Variants in UNC5A observed in about 807,000 individuals in gnomAD.
UNC5A encodes the protein netrin receptor UNC5A.
In UNC5A, 20 loss-of-function variants were observed where a neutral mutation model predicts 87.4. That is an observed-to-expected ratio of 0.23 (90% CI 0.16 to 0.33). The LOEUF (loss-of-function observed/expected upper bound fraction) is 0.33, where lower values mean the gene tolerates loss of function less well. Ranked by LOEUF, UNC5A falls within the 10% of genes least tolerant of loss-of-function variation. The pLI, the probability that UNC5A is intolerant of heterozygous loss-of-function variation, is 1.00. For missense variants in UNC5A, 844 were observed against 1,133.4 expected, an observed-to-expected ratio of 0.74 and a Z score of 3.67; for synonymous variants, 438 against 482.3, an observed-to-expected ratio of 0.91 and a Z score of 1.20.
intron 1 of UNC5A, among the ~76,000 whole-genome samples, chr5:176,814,618 G>A (rs1756545228): frequency 6.6e-6 from 1 of 152,186 alleles, no homozygotes; most frequent in Non-Finnish European, 1.5e-5. Flanking sequence ...ATACTGATGT[G>A]CTTTGGGTGG....
At chr5:176,811,761 G>T (rs1319095859) in intron 1 of UNC5A, among the ~76,000 whole-genome samples, 1 of 152,098 alleles carries the variant, frequency 6.6e-6, no homozygotes, top group African/African-American at 2.4e-5. Flanking sequence ...GGTGCCATTT[G>T]TGTGGTCAAG....
intron 14 of UNC5A, 109 bp from the exon 15 acceptor site, chr5:176,879,612 G>C: frequency 6.4e-7 from 1 of 1,550,472 alleles, no homozygotes; most frequent in South Asian, 1.2e-5. Flanking sequence ...GGCCGGGGCA[G>C]TCATTGTGTT....
At chr5:176,872,514 C>T (rs1383939500) in intron 6 of UNC5A, among the ~76,000 whole-genome samples, 1 of 45,448 alleles carries the variant, frequency 2.2e-5, no homozygotes, top group Admixed American at 1.9e-4. Flanking sequence ...TGCCCACACT[C>T]GCCCCAACAC....
intron 1 of UNC5A, among the ~76,000 whole-genome samples, chr5:176,856,728 G>A (rs1011807037): frequency 7.9e-5 from 12 of 152,038 alleles, no homozygotes; most frequent in Admixed American, 3.9e-4. Context: ...ACCACTGGAT[G>A]CCCACAGCAG....
At chr5:176,825,136 A>T (rs1189704088) in intron 1 of UNC5A, among the ~76,000 whole-genome samples, 5 of 152,204 alleles carry the variant, frequency 3.3e-5, no homozygotes, top group Non-Finnish European at 5.9e-5. Context: ...GCACTTTCAG[A>T]TGCAATAAGG....
chr5:176,879,505 CA>C lies in UNC5A; in HGVS notation c.2363+18del. ...CCTGGACAGGTGGGCGGGAGAGGGG[CA>C]GAGAGGGCCTGCGCAGGCCACCGAC... is the stretch of plus-strand genomic sequence containing the variant. On this transcript the variant is annotated intron_variant, in intron 14 of 14. Transcript: ENST00000329542. 6.3e-7 allele frequency: 1 copy of C among 1,595,122 alleles called. No homozygotes were observed. Among genetic ancestry groups the C allele is most frequent in the Non-Finnish European group, 8.5e-7 (1 of 1,171,502 alleles).
chr5:176,843,109 C>T (rs1417183657), intron 1 of UNC5A, among the ~76,000 whole-genome samples: 1 of 149,014 alleles, frequency 6.7e-6, no homozygotes, highest in African/African-American at 2.5e-5. Context: ...TGCAGTGAGC[C>T]GAGATCGCGT....
rs1441891092 is a variant in UNC5A, at chr5:176,869,685, C to T, written c.722-685C>T. The T allele has an allele frequency of 4.3e-6, 3 of 695,160 alleles. No individual in the cohort carries two copies. Among genetic ancestry groups the T allele is most frequent in the Non-Finnish European group, 7.9e-6 (3 of 380,568 alleles). 43.1% of individuals were successfully genotyped at this position (695,160 alleles called of 1,614,324 possible). On this transcript the variant is annotated intron_variant, in intron 5 of 14. Transcript: ENST00000329542. This position sits in a 1 kb window ranked among gnomAD's most constrained non-coding sequence, Gnocchi z 9.1. ...CAGCTGTGGGCGCGGCTGGCAGAAA[C>T]GGAGCCGGAGCTGCACCAACCCGGC...
chr5:176,836,643 G>A (rs527597616), intron 1 of UNC5A, among the ~76,000 whole-genome samples: 8 of 152,036 alleles, frequency 5.3e-5, no homozygotes, highest in Non-Finnish European at 1.2e-4. Flanking sequence ...GTGTGGCAGA[G>A]ATCTAGGAAA....
At chr5:176,850,266 G>T (rs1757511330) in intron 1 of UNC5A, among the ~76,000 whole-genome samples, 1 of 152,206 alleles carries the variant, frequency 6.6e-6, no homozygotes, top group Non-Finnish European at 1.5e-5. Context: ...CTGACTGCAG[G>T]GTATGGGTTG....
intron 1 of UNC5A, among the ~76,000 whole-genome samples, chr5:176,831,881 CTCTCTTT>C (rs1757033349): frequency 3.2e-5 from 1 of 31,242 alleles, no homozygotes; most frequent in African/African-American, 4.7e-5. Flanking sequence ...CACTTTCTCT[CTCTCTTT>C]TTTTTTTTTT....
intron 5 of UNC5A, 45 bp from the exon 6 acceptor site, chr5:176,870,325 C>T: frequency 1.9e-6 from 3 of 1,599,060 alleles, no homozygotes; most frequent in East Asian, 2.2e-5. Flanking sequence ...GGGGTGGGCT[C>T]CCAGGCTGAC....
intron 1 of UNC5A, among the ~76,000 whole-genome samples, chr5:176,820,410 A>G (rs1756700109): frequency 6.6e-6 from 1 of 152,094 alleles, no homozygotes; most frequent in Non-Finnish European, 1.5e-5. Context: ...AAAAAAAGAA[A>G]AGAAAGAAAG....
rs1209527282 is a variant in UNC5A, at chr5:176,824,253, C to T, written c.70+13433C>T. Among the ~76,000 whole-genome samples, 2 of 152,280 alleles carry T rather than the reference C, an allele frequency of 1.3e-5. No individual in the cohort carries two copies. Among genetic ancestry groups the T allele is most frequent in the South Asian group, 2.1e-4 (1 of 4,830 alleles). ...GTGGGGCTGAGGCGGGTGAGGCCAG[C>T]GCACAGGGAGATCAGGGACAAGCGG... On this transcript the variant is annotated intron_variant, in intron 1 of 14. Transcript: ENST00000329542. The surrounding 1 kb of genome is among the most constrained non-coding windows in gnomAD (Gnocchi z 4.2).
intron 1 of UNC5A, among the ~76,000 whole-genome samples, chr5:176,849,625 G>A (rs964624424): frequency 6.6e-6 from 1 of 152,158 alleles, no homozygotes; most frequent in Non-Finnish European, 1.5e-5. Flanking sequence ...CCCTTGGATG[G>A]ACACTGTCAC....
intron 3 of UNC5A, 109 bp from the exon 4 acceptor site, chr5:176,868,452 G>A: frequency 1.4e-6 from 2 of 1,443,526 alleles, no homozygotes; most frequent in Admixed American, 2.1e-5. Flanking sequence ...TGGCCACCTG[G>A]CACTTCCTCT....
At chr5:176,815,439 G>A (rs1756564147) in intron 1 of UNC5A, among the ~76,000 whole-genome samples, 1 of 152,238 alleles carries the variant, frequency 6.6e-6, no homozygotes, top group South Asian at 2.1e-4. Context: ...TTTGGAGGCA[G>A]TCAGGGTCAA....
rs1188877477 is a variant in UNC5A at position 176,810,992 on chromosome 5, G to A, written c.70+172G>A. Reference sequence around the variant, plus strand: ...CTTCTTGCTGCTGCGCAGCTTCCCCGCGCGCTCTCCCGGAAGCCTGGGTTC... The same window carrying A: ...CTTCTTGCTGCTGCGCAGCTTCCCCACGCGCTCTCCCGGAAGCCTGGGTTC... On this transcript the variant is annotated intron_variant, in intron 1 of 14. Transcript: ENST00000329542. The surrounding 1 kb of genome is among the most constrained non-coding windows in gnomAD (Gnocchi z 7.3). Among the ~76,000 whole-genome samples the A allele has an allele frequency of 6.6e-6, 1 of 152,114 alleles. No individual in the cohort carries two copies. Among genetic ancestry groups the A allele is most frequent in the Non-Finnish European group, 1.5e-5 (1 of 68,020 alleles).
intron 1 of UNC5A, among the ~76,000 whole-genome samples, chr5:176,846,710 C>T (rs1445949338): frequency 2.0e-5 from 3 of 152,178 alleles, no homozygotes; most frequent in Non-Finnish European, 4.4e-5. Flanking sequence ...GGCCTGGTTT[C>T]GACCTGCTTG....
Sources: gnomAD v4.1 joint callset for allele counts (sites outside exome capture counted in the v4.1 genomes callset) on GRCh38, gnomAD v4.1.1 for gene constraint, Gnocchi (gnomAD v3.1) non-coding constraint, MANE v1.5 for transcripts, NCBI Gene and HGNC (gene_info 2026-07-23, HGNC 2026-07-21) for gene names.